Variants in ASIC4 observed in about 807,000 individuals in gnomAD.
ASIC4 encodes the protein acid-sensing ion channel 4.
A neutral mutation model predicts 53.4 loss-of-function variants in ASIC4; 28 were observed. That is an observed-to-expected ratio of 0.52 (90% CI 0.39 to 0.72). The LOEUF is 0.72. Ranked by LOEUF, ASIC4 falls within the 30% of genes least tolerant of loss-of-function variation. The pLI is 0.00. For synonymous variants in ASIC4, 289 were observed against 301.4 expected, an observed-to-expected ratio of 0.96 and a Z score of 0.43; for missense variants, 649 against 729.7, an observed-to-expected ratio of 0.89 and a Z score of 1.27.
chr2:219,531,969 G>C, intron 2 of ASIC4, 32 bp from the exon 3 acceptor site: 1 of 1,613,778 alleles, frequency 6.2e-7, no homozygotes, highest in African/African-American at 1.3e-5. Flanking sequence ...GCCTGGGATG[G>C]GTTTCCAAAG....
intron 1 of ASIC4, among the ~76,000 whole-genome samples, chr2:219,524,700 C>G (rs571290888): frequency 6.6e-6 from 1 of 152,342 alleles, no homozygotes; most frequent in South Asian, 2.1e-4. Flanking sequence ...TAACTAAGGG[C>G]AAGGCCCAGA....
intron 6 of ASIC4, 84 bp downstream of exon 6, chr2:219,535,408 C>A: frequency 6.4e-6 from 9 of 1,401,726 alleles, no homozygotes; most frequent in Non-Finnish European, 8.6e-6. Flanking sequence ...TCTGTGTGTA[C>A]GTGTGTGTGA....
In ASIC4 at chr2:219,537,653, C is replaced by A. The variant is rs764623399; in HGVS notation, c.1423C>A (p.Arg475=). The A allele has an allele frequency of 8.1e-6, 13 of 1,613,092 alleles. No homozygotes were observed. The highest frequency in any genetic ancestry group is 1.7e-5 in the Admixed American group (1 of 59,790). ...CAAGGTGTCCTGGGATCGACTGAAG[C>A]GGGTATGGAGGCGTCCCAAGACCCC... The part of the protein sequence containing the change: ...IYEVSWDRLK[R]VWRRPKTPLR... The change falls in exon 9 of 10, where the codon CGG becomes AGG. Residue 475 remains arginine, a synonymous_variant. Transcript: ENST00000358078. This position sits in a 1 kb window ranked among gnomAD's most constrained non-coding sequence, Gnocchi z 4.9.
chr2:219,533,877 A>G (rs1695083809), intron 5 of ASIC4: 1 of 152,264 alleles, frequency 6.6e-6, no homozygotes, highest in African/African-American at 2.4e-5. Context: ...TGCAAAAAAT[A>G]AAAAAGTGAA....
Position 219,536,306 on chromosome 2 carries a change from G to A in ASIC4, c.1230-760G>A, listed in dbSNP as rs958647040. On this transcript the variant is annotated intron_variant, in intron 6 of 9. Coordinates refer to ENST00000358078, the MANE Select transcript of ASIC4 (RefSeq NM_018674.6). This position sits in a 1 kb window ranked among gnomAD's most constrained non-coding sequence, Gnocchi z 4.6. ...AGGAGAGGAACACAGTACCCTGCAG[G>A]GGGAGGCAGGAGGGACCGCCCTGAG... is the stretch of plus-strand genomic sequence containing the variant. Among the ~76,000 whole-genome samples the A allele has an allele frequency of 3.3e-5, 5 of 152,242 alleles. No homozygotes were observed. The highest frequency in any genetic ancestry group is 3.3e-4 in the Admixed American group (5 of 15,286).
intron 5 of ASIC4, 40 bp from the exon 6 acceptor site, chr2:219,535,131 T>G: frequency 6.3e-7 from 1 of 1,587,212 alleles, no homozygotes; most frequent in Non-Finnish European, 8.6e-7. Flanking sequence ...TGGACCACCC[T>G]TCTCCAACTC....
At chr2:219,515,359 TG>T (rs1694769339) in intron 1 of ASIC4, 53 bp downstream of exon 1, 3 of 1,563,184 alleles carry the variant, frequency 1.9e-6, no homozygotes, top group South Asian at 1.2e-5. Context: ...GGCTGGGGAG[TG>T]GGGAGGAGTG....
chr2:219,522,397 GGGGCTGGGCAGGTCCCCGGGGA>G (rs1694900224), intron 1 of ASIC4, among the ~76,000 whole-genome samples: 1 of 151,466 alleles, frequency 6.6e-6, no homozygotes, highest in Admixed American at 6.5e-5. Flanking sequence ...GGGTGGGGTG[GGGGCTGGGCAGGTCCCCGGGGA>G]GGGCTGGGAA....
intron 1 of ASIC4, among the ~76,000 whole-genome samples, chr2:219,525,627 G>T (rs1191824644): frequency 6.6e-6 from 1 of 152,198 alleles, no homozygotes; most frequent in African/African-American, 2.4e-5. Flanking sequence ...AGGCATTTTG[G>T]TTGGTGCCAT....
the ASIC4 span, among the ~76,000 whole-genome samples, chr2:219,508,724 T>C: frequency 1.4e-5 from 2 of 147,668 alleles, no homozygotes; most frequent in Non-Finnish European, 3.0e-5. Context: ...TGCCCAACCA[T>C]CATTGGCTGT....
Position 219,532,985 on chromosome 2 carries a change from G to T in ASIC4, c.1075+46G>T, listed in dbSNP as rs768937544. 15 of 1,568,820 alleles carry T rather than the reference G, an allele frequency of 9.6e-6. No homozygotes were observed. In the South Asian group the frequency reaches 1.7e-4, roughly 17 times the overall value. ...CCTACCTCTCCATCAGCCTCTTCAT[G>T]TCTCTGTCCACTCTTCTCCTCACTG... On this transcript the variant is annotated intron_variant, in intron 5 of 9. Transcript: ENST00000358078.
rs541532010 is a variant in ASIC4 at position 219,529,019 on chromosome 2, G to A, written c.583-2739G>A. On this transcript the variant is annotated intron_variant, in intron 1 of 9. Coordinates refer to ENST00000358078, the MANE Select transcript of ASIC4 (RefSeq NM_018674.6). ...CTTGTCCAGCTCCCTCCCCACATCT[G>A]TTCTACCAGACTCTGCACTTTAAAA... 4.6e-5 allele frequency among the ~76,000 whole-genome samples: 7 copies of A among 152,314 alleles called. No homozygotes were observed. The South Asian group carries it at 1.5e-3, about 32-fold the overall frequency.
rs1401568794 is a variant in ASIC4, at chr2:219,514,546, C to CTGGGAG, written c.-170_-165dup. ...AGGCAGCACCAGGGCTGCGGAGCTG[C>CTGGGAG]TGGGAGTGGGAGTGACTCCCCCACC... On this transcript the variant is annotated 5_prime_UTR_variant, in exon 1 of 10. Coordinates refer to ENST00000358078, the MANE Select transcript of ASIC4 (RefSeq NM_018674.6). The CTGGGAG allele has an allele frequency of 6.4e-7, 1 of 1,559,350 alleles. No homozygotes were observed. The highest frequency in any genetic ancestry group is 8.7e-7 in the Non-Finnish European group (1 of 1,152,012).
chr2:219,510,450 C>T (rs941816076), upstream of ASIC4, among the ~76,000 whole-genome samples: 15 of 152,274 alleles, frequency 9.9e-5, no homozygotes, highest in South Asian at 2.7e-3. The surrounding 1 kb of genome is among the most constrained non-coding windows in gnomAD (Gnocchi z 5.2). Context: ...GCCTCAGCTC[C>T]GAGGTTGTCG....
chr2:219,532,827 T>C (rs1169968921), intron 4 of ASIC4, 56 bp from the exon 5 acceptor site: 1 of 1,522,968 alleles, frequency 6.6e-7, no homozygotes, highest in Non-Finnish European at 9.0e-7. Flanking sequence ...CATTTGGGCG[T>C]GTGGGGGACA....
upstream of ASIC4, among the ~76,000 whole-genome samples, chr2:219,509,468 A>C (rs1694672088): frequency 6.6e-6 from 1 of 152,108 alleles, no homozygotes; most frequent in African/African-American, 2.4e-5. The surrounding 1 kb of genome is among the most constrained non-coding windows in gnomAD (Gnocchi z 5.2). Context: ...CAGAGACGGG[A>C]GAACTGGCAA....
In ASIC4 at chr2:219,537,087, T is replaced by C. The variant is rs1695151113; in HGVS notation, c.1251T>C (p.Asp417=). The change falls in exon 7 of 10, where the codon GAT becomes GAC. Residue 417 remains aspartate, a synonymous_variant. Coordinates refer to ENST00000358078, the MANE Select transcript of ASIC4 (RefSeq NM_018674.6). The surrounding 1 kb of genome is among the most constrained non-coding windows in gnomAD (Gnocchi z 4.9). ...ACAGGGAGAACTTCCTGGTCCTAGA[T>C]GTCTTCTTTGAGGCCCTGACCTCTG... The part of the protein sequence containing the change: ...TYIRENFLVL[D]VFFEALTSEA... 6.2e-7 allele frequency: 1 copy of C among 1,614,132 alleles called. No individual in the cohort carries two copies. The highest frequency in any genetic ancestry group is 8.5e-7 in the Non-Finnish European group (1 of 1,180,008).
In ASIC4 at chr2:219,537,127, C is replaced by T. The variant is rs770842867; in HGVS notation, c.1291C>T (p.Arg431Ter). 12 of 1,614,130 alleles carry T rather than the reference C, an allele frequency of 7.4e-6. No individual in the cohort carries two copies. The highest frequency in any genetic ancestry group is 2.2e-5 in the East Asian group (1 of 44,882). The change falls in exon 7 of 10, where the codon CGA becomes TGA. Residue 431 changes from arginine to a stop codon, truncating the protein, a stop_gained. Coordinates refer to ENST00000358078, the MANE Select transcript of ASIC4 (RefSeq NM_018674.6). LOFTEE classifies it high-confidence loss of function. This position sits in a 1 kb window ranked among gnomAD's most constrained non-coding sequence, Gnocchi z 4.9. ...CCTGACCTCTGAAGCCATGGAGCAG[C>T]GAGCAGCCTATGGCCTGTCAGCCCT... ...EALTSEAMEQ[R>*]AAYGLSALLG...
Position 219,538,025 on chromosome 2 carries a change from CTT to C in ASIC4, c.1601_1602del (p.Phe534Ter), listed in dbSNP as rs1356853555. 10 of 1,613,140 alleles carry C rather than the reference CTT, an allele frequency of 6.2e-6. No homozygotes were observed. In the Admixed American group the frequency reaches 6.7e-5, roughly 11 times the overall value. ...ACCCCCACGGTCCCCCAGGAGGTCTCTTTGAAGATTTTGCTTGCTAGGACGGT... is the reference window on the plus strand; with the variant it reads ...ACCCCCACGGTCCCCCAGGAGGTCTCTGAAGATTTTGCTTGCTAGGACGGT... ...HHPHGPPGGL[F>X]EDFAC is the part of the protein sequence containing the mutation. On this transcript the variant is annotated frameshift_variant, in exon 10 of 10. Coordinates refer to ENST00000358078, the MANE Select transcript of ASIC4 (RefSeq NM_018674.6). LOFTEE classifies it high-confidence loss of function.
Sources: allele counts gnomAD v4.1 joint callset (sites outside exome capture counted in the v4.1 genomes callset), GRCh38; gene constraint gnomAD v4.1.1; non-coding constraint Gnocchi (gnomAD v3.1); transcripts MANE v1.5; gene names NCBI Gene and HGNC (gene_info 2026-07-23, HGNC 2026-07-21).